ATP8A2: variants seen among roughly 807,000 people sequenced by gnomAD.
ATP8A2 encodes phospholipid-transporting ATPase IB.
ATP8A2 carries 100 observed loss-of-function variants against 165.6 expected under a neutral mutation model. The observed-to-expected ratio is 0.60, with a 90% CI of 0.51 to 0.71. ATP8A2 has a LOEUF of 0.71. ATP8A2 is among the 30% of genes least tolerant of loss of function. The probability of loss-of-function intolerance (pLI) is 0.00; values close to 1 mark genes in which losing one functional copy is unlikely to be tolerated. For missense variants in ATP8A2, 1,227 were observed against 1,479.5 expected, an observed-to-expected ratio of 0.83 and a Z score of 2.80; for synonymous variants, 543 against 548.8, an observed-to-expected ratio of 0.99 and a Z score of 0.15.
At chr13:25,412,834 G>GC (rs2034010283) in intron 1 of ATP8A2, among the ~76,000 whole-genome samples, 1 of 151,736 alleles carries the variant, frequency 6.6e-6, no homozygotes, top group African/African-American at 2.4e-5. Context: ...AATTTTTTTT[G>GC]GGGGGGGATG....
intron 24 of ATP8A2, among the ~76,000 whole-genome samples, chr13:25,618,856 TGGAA>T (rs770273522): frequency 2.7e-4 from 41 of 152,094 alleles, no homozygotes; most frequent in Non-Finnish European, 5.7e-4. Flanking sequence ...TCTTGGGTGG[TGGAA>T]AAGGGCTTGC....
At chr13:25,548,422 T>A (rs1411228972) in intron 10 of ATP8A2, among the ~76,000 whole-genome samples, 1 of 152,200 alleles carries the variant, frequency 6.6e-6, no homozygotes. Flanking sequence ...TGGCCAGAAT[T>A]CAGCCACTGA....
chr13:25,652,128 T>C (rs2041827465), intron 24 of ATP8A2, among the ~76,000 whole-genome samples: 1 of 152,136 alleles, frequency 6.6e-6, no homozygotes, highest in Non-Finnish European at 1.5e-5. Context: ...TTCCCTTCAG[T>C]TCCCTTCCGC....
intron 1 of ATP8A2, among the ~76,000 whole-genome samples, chr13:25,436,872 G>A (rs773832940): frequency 6.6e-6 from 1 of 151,898 alleles, no homozygotes; most frequent in African/African-American, 2.4e-5. Flanking sequence ...GGCCTCTCAG[G>A]GTTAGGTGAT....
At position 25,577,060 on chromosome 13, in the gene ATP8A2, C is replaced by A; in HGVS notation, c.1713-9C>A. 6.3e-7 allele frequency: 1 copy of A among 1,597,750 alleles called. No individual in the cohort carries two copies. The highest frequency in any genetic ancestry group is 8.5e-7 in the Non-Finnish European group (1 of 1,172,906). ...ACCAATGATGACTTTTTTTTTTTCA[C>A]TCTCCCAGTGACAGAAAAAGAATGT... On this transcript the variant is annotated splice_polypyrimidine_tract_variant and intron_variant, in intron 19 of 36. Coordinates refer to ENST00000381655, the MANE Select transcript of ATP8A2 (RefSeq NM_016529.6).
intron 1 of ATP8A2, among the ~76,000 whole-genome samples, chr13:25,467,246 G>T (rs181488668): frequency 1.3e-5 from 2 of 152,364 alleles, no homozygotes; most frequent in African/African-American, 4.8e-5. Flanking sequence ...ACTGGAGTGT[G>T]CCTGGCCTGT....
intron 33 of ATP8A2, among the ~76,000 whole-genome samples, chr13:25,902,272 G>C (rs1953777351): frequency 6.6e-6 from 1 of 152,174 alleles, no homozygotes; most frequent in African/African-American, 2.4e-5. Flanking sequence ...TAATCTATCT[G>C]TGTGTGTTTT....
intron 33 of ATP8A2, among the ~76,000 whole-genome samples, chr13:25,901,421 C>A (rs1221355887): frequency 5.3e-5 from 8 of 149,966 alleles, no homozygotes; most frequent in South Asian, 2.1e-4. Context: ...AAAAAAAAAA[C>A]CACATGTTAC....
chr13:25,722,723 A>T (rs1197554322), intron 25 of ATP8A2, among the ~76,000 whole-genome samples: 2 of 152,218 alleles, frequency 1.3e-5, no homozygotes, highest in Non-Finnish European at 2.9e-5. Context: ...AAGCCACAAT[A>T]AAATAAGTAT....
intron 28 of ATP8A2, among the ~76,000 whole-genome samples, chr13:25,832,488 A>G (rs1480773049): frequency 6.6e-6 from 1 of 152,240 alleles, no homozygotes; most frequent in Non-Finnish European, 1.5e-5. Flanking sequence ...GAGTCCAATA[A>G]TATATTAAAA....
intron 24 of ATP8A2, among the ~76,000 whole-genome samples, chr13:25,652,264 A>G (rs76948304): frequency 0.034 from 5,253 of 152,292 alleles, 158 homozygotes; most frequent in East Asian, 0.13. Flanking sequence ...TTTATTTTCC[A>G]AATAGCTACC....
intron 1 of ATP8A2, among the ~76,000 whole-genome samples, chr13:25,386,709 AAC>A (rs2033058437): frequency 6.7e-6 from 1 of 149,268 alleles, no homozygotes. Flanking sequence ...TTATTAAAAA[AAC>A]ACAGGCCGGG....
intron 25 of ATP8A2, among the ~76,000 whole-genome samples, chr13:25,741,978 T>C (rs967402647): frequency 4.6e-5 from 7 of 152,232 alleles, no homozygotes; most frequent in African/African-American, 1.7e-4. Context: ...GCAACCTTCC[T>C]TACAGGTACA....
At chr13:25,627,484 C>G (rs977732429) in intron 24 of ATP8A2, among the ~76,000 whole-genome samples, 5 of 152,068 alleles carry the variant, frequency 3.3e-5, no homozygotes, top group Admixed American at 6.6e-5. Flanking sequence ...AAGGGTAGAG[C>G]CCTAATCTGA....
chr13:25,925,527 C>T (rs1486780669), intron 33 of ATP8A2, among the ~76,000 whole-genome samples: 2 of 144,822 alleles, frequency 1.4e-5, no homozygotes, highest in African/African-American at 5.1e-5. Flanking sequence ...CAGAGTGAGT[C>T]TCTGTCTCAA....
rs527510046 is a variant in ATP8A2 at position 25,516,860 on chromosome 13, A to G, written c.222-13139A>G. Among the ~76,000 whole-genome samples, 7 of 149,106 alleles carry G rather than the reference A, an allele frequency of 4.7e-5. No homozygotes were observed. In the South Asian group the frequency reaches 8.5e-4, roughly 18 times the overall value. On this transcript the variant is annotated intron_variant, in intron 2 of 36. Transcript: ENST00000381655. ...CAGTGGAGCAATCTCAGCTCACTGC[A>G]ACCTCCGCTTTCTGGGTTCAAGCGA...
chr13:25,684,915 G>A (rs1283238735), intron 24 of ATP8A2, among the ~76,000 whole-genome samples: 1 of 152,168 alleles, frequency 6.6e-6, no homozygotes, highest in Non-Finnish European at 1.5e-5. Context: ...GCTCTTTTGA[G>A]TCTTGGGCTT....
chr13:25,502,439 C>T (rs1488403316), intron 2 of ATP8A2, among the ~76,000 whole-genome samples: 2 of 152,128 alleles, frequency 1.3e-5, no homozygotes, highest in Non-Finnish European at 2.9e-5. Context: ...GGCGTGTGTT[C>T]GTTTTTCTGT....
intron 2 of ATP8A2, among the ~76,000 whole-genome samples, chr13:25,500,047 C>T (rs768331645): frequency 9.2e-5 from 14 of 152,260 alleles, no homozygotes; most frequent in South Asian, 4.2e-4. Flanking sequence ...TTCAGCAAGG[C>T]GTGTGTGTCA....
Sources: gnomAD v4.1 joint callset for allele counts (sites outside exome capture counted in the v4.1 genomes callset) on GRCh38, gnomAD v4.1.1 for gene constraint, MANE v1.5 for transcripts, NCBI Gene and HGNC (gene_info 2026-07-23, HGNC 2026-07-21) for gene names.